PACSIN1: variants seen among roughly 807,000 people sequenced by gnomAD.
PACSIN1 encodes the protein protein kinase C and casein kinase substrate in neurons 1, also known as protein kinase C and casein kinase substrate in neurons protein 1.
In PACSIN1, 15 loss-of-function variants were observed where a neutral mutation model predicts 59.5. That is an observed-to-expected ratio of 0.25 (90% CI 0.17 to 0.39). The LOEUF (loss-of-function observed/expected upper bound fraction) is 0.39, where lower values mean the gene tolerates loss of function less well. PACSIN1 is among the 10% of genes least tolerant of loss of function. PACSIN1 has a pLI of 1.00. For missense variants in PACSIN1, 420 were observed against 580.2 expected (o/e 0.72, Z 2.84); for synonymous variants, 210 against 220.6 (o/e 0.95, Z 0.42).
At chr6:34,522,722 G>A (rs1168721764) in intron 1 of PACSIN1, among the ~76,000 whole-genome samples, 1 of 152,230 alleles carries the variant, frequency 6.6e-6, no homozygotes, top group Non-Finnish European at 1.5e-5. Flanking sequence ...AAAGGCCTGA[G>A]AACCAGGGGG....
In PACSIN1 at chr6:34,532,785, A is replaced by G. The variant is rs1767625175; in HGVS notation, c.*255A>G. 7.1e-6 allele frequency: 3 copies of G among 424,346 alleles called. No homozygotes were observed. The highest frequency in any genetic ancestry group is 1.3e-5 in the Non-Finnish European group (3 of 236,522). 26.3% of individuals were successfully genotyped at this position (424,346 alleles called of 1,614,324 possible). ...TTAGGACTTAGCCCAACATCACAACATCTGCTCTTCGGGTTCCACCAAAGA... is the reference window on the plus strand; with the variant it reads ...TTAGGACTTAGCCCAACATCACAACGTCTGCTCTTCGGGTTCCACCAAAGA... On this transcript the variant is annotated 3_prime_UTR_variant, in exon 10 of 10. Transcript: ENST00000244458. This position sits in a 1 kb window ranked among gnomAD's most constrained non-coding sequence, Gnocchi z 5.2.
intron 1 of PACSIN1, among the ~76,000 whole-genome samples, chr6:34,512,285 T>C (rs1221000199): frequency 6.8e-6 from 1 of 146,036 alleles, no homozygotes; most frequent in African/African-American, 2.5e-5. Flanking sequence ...CTGTCTGGAA[T>C]CCATTGAGTG....
At chr6:34,472,789 TAGA>T (rs1338048687) in intron 1 of PACSIN1, among the ~76,000 whole-genome samples, 2 of 152,028 alleles carry the variant, frequency 1.3e-5, no homozygotes, top group Admixed American at 6.6e-5. Context: ...AGGAGGGCTG[TAGA>T]AGGAGTATGG....
chr6:34,530,615 G>A lies in PACSIN1; in HGVS notation c.1037+28G>A. On this transcript the variant is annotated intron_variant, in intron 8 of 9. Coordinates refer to ENST00000244458, the MANE Select transcript of PACSIN1 (RefSeq NM_020804.5). The surrounding 1 kb of genome is among the most constrained non-coding windows in gnomAD (Gnocchi z 4.4). ...GAGTGCCTCCTGTGGAGCTTCCTGG[G>A]GCCAAGAGGGACCCACACTCTGGGG... The A allele has an allele frequency of 6.6e-7, 1 of 1,522,108 alleles. No individual in the cohort carries two copies. Among genetic ancestry groups the A allele is most frequent in the Non-Finnish European group, 8.8e-7 (1 of 1,135,548 alleles). The allele number at this position is 1,522,108 out of a possible 1,614,324, so 94.3% of individuals were successfully genotyped here.
intron 1 of PACSIN1, among the ~76,000 whole-genome samples, chr6:34,489,615 T>C (rs1766845443): frequency 6.6e-6 from 1 of 152,162 alleles, no homozygotes; most frequent in Non-Finnish European, 1.5e-5. Context: ...GTGTGTCTAT[T>C]CCAGTTATAC....
In PACSIN1 at chr6:34,532,001, T is replaced by C. The variant is rs938298672; in HGVS notation, c.1225+214T>C. Among the ~76,000 whole-genome samples, 18 of 151,634 alleles carry C rather than the reference T, an allele frequency of 1.2e-4. No individual in the cohort carries two copies. The highest frequency in any genetic ancestry group is 2.4e-4 in the Non-Finnish European group (16 of 67,954). ...GAGAGGCTTGGGCCTGCATTGGGTG[T>C]GTGGTGGGGTAGAGGCAGGATCTGA... On this transcript the variant is annotated intron_variant, in intron 9 of 9. Coordinates refer to ENST00000244458, the MANE Select transcript of PACSIN1 (RefSeq NM_020804.5). This position sits in a 1 kb window ranked among gnomAD's most constrained non-coding sequence, Gnocchi z 5.2.
chr6:34,470,786 C>T (rs902703174), intron 1 of PACSIN1, among the ~76,000 whole-genome samples: 1 of 152,060 alleles, frequency 6.6e-6, no homozygotes, highest in African/African-American at 2.4e-5. Context: ...GCAGCATACT[C>T]AGGTAATTTT....
intron 4 of PACSIN1, 89 bp downstream of exon 4, chr6:34,528,966 G>A: frequency 9.7e-7 from 1 of 1,033,606 alleles, no homozygotes; most frequent in Non-Finnish European, 1.4e-6. Context: ...ATGGATGGGT[G>A]GGCTGGGCAC....
chr6:34,494,840 G>A (rs770759316), intron 1 of PACSIN1, among the ~76,000 whole-genome samples: 1 of 152,208 alleles, frequency 6.6e-6, no homozygotes, highest in East Asian at 1.9e-4. Context: ...GCTATCGGCT[G>A]TATAGGCAGG....
At position 34,525,974 on chromosome 6, in the gene PACSIN1, G is replaced by A. The variant is rs1300035018; in HGVS notation, c.-63-269G>A. 6.6e-6 allele frequency among the ~76,000 whole-genome samples: 1 copy of A among 152,100 alleles called. No homozygotes were observed. The highest frequency in any genetic ancestry group is 2.4e-5 in the African/African-American group (1 of 41,402). On this transcript the variant is annotated intron_variant, in intron 1 of 9. Coordinates refer to ENST00000244458, the MANE Select transcript of PACSIN1 (RefSeq NM_020804.5). This position sits in a 1 kb window ranked among gnomAD's most constrained non-coding sequence, Gnocchi z 4.9. The stretch of plus-strand genomic sequence containing the variant: ...GGAGAGAGAGCCAGCTCTGGGGGCT[G>A]GGGCTGGCTTCTGAACGGAGGTGCT...
intron 1 of PACSIN1, among the ~76,000 whole-genome samples, chr6:34,485,733 TGGCCCTGTGAG>T (rs1766784163): frequency 6.6e-6 from 1 of 152,172 alleles, no homozygotes; most frequent in Non-Finnish European, 1.5e-5. Flanking sequence ...ACCTGAGCCC[TGGCCCTGTGAG>T]GGCCCACCCA....
In PACSIN1 at chr6:34,516,100, C is replaced by A. The variant is rs966440096; in HGVS notation, c.-63-10143C>A. ...GTTGATGTGTGCAACTATGGGCGTG[C>A]TTAAGGTCCTGCCCTTCTCCACCTG... is the stretch of plus-strand genomic sequence containing the variant. On this transcript the variant is annotated intron_variant, in intron 1 of 9. Transcript: ENST00000244458. The surrounding 1 kb of genome is among the most constrained non-coding windows in gnomAD (Gnocchi z 5.4). Among the ~76,000 whole-genome samples the A allele has an allele frequency of 2.4e-4, 37 of 152,134 alleles. No homozygotes were observed. The highest frequency in any genetic ancestry group is 7.2e-4 in the African/African-American group (30 of 41,418).
rs1283437147 is a variant in PACSIN1 at position 34,516,628 on chromosome 6, G to A, written c.-63-9615G>A. Among the ~76,000 whole-genome samples the A allele has an allele frequency of 3.3e-5, 5 of 152,204 alleles. No homozygotes were observed. In the East Asian group the frequency reaches 9.7e-4, roughly 29 times the overall value. On this transcript the variant is annotated intron_variant, in intron 1 of 9. Coordinates refer to ENST00000244458, the MANE Select transcript of PACSIN1 (RefSeq NM_020804.5). The surrounding 1 kb of genome is among the most constrained non-coding windows in gnomAD (Gnocchi z 5.4). ...TTCTTTGGGTGAGAGCTGAAGGAAC[G>A]TCTGTCCACTCAGCAGGCCCTCCAG...
chr6:34,470,665 C>A (rs2113831335), intron 1 of PACSIN1, among the ~76,000 whole-genome samples: 1 of 152,152 alleles, frequency 6.6e-6, no homozygotes, highest in East Asian at 1.9e-4. Flanking sequence ...CCATGCCTGG[C>A]TAATTTTTCA....
intron 1 of PACSIN1, among the ~76,000 whole-genome samples, chr6:34,478,778 A>G (rs1186039043): frequency 6.6e-6 from 1 of 152,220 alleles, no homozygotes; most frequent in Non-Finnish European, 1.5e-5. Context: ...AATAGGTTGT[A>G]CATTTGTCTT....
At chr6:34,494,413 A>T (rs1766919369) in intron 1 of PACSIN1, among the ~76,000 whole-genome samples, 1 of 152,178 alleles carries the variant, frequency 6.6e-6, no homozygotes, top group Non-Finnish European at 1.5e-5. Context: ...CTGATTCAGT[A>T]GGTCTGGTGG....
At chr6:34,522,918 C>G (rs776042783) in intron 1 of PACSIN1, among the ~76,000 whole-genome samples, 40 of 152,318 alleles carry the variant, frequency 2.6e-4, no homozygotes, top group Non-Finnish European at 5.4e-4. Context: ...TCTGGGCCCT[C>G]AGCCGATTGG....
chr6:34,477,412 A>G (rs889413776), intron 1 of PACSIN1, among the ~76,000 whole-genome samples: 7 of 151,094 alleles, frequency 4.6e-5, no homozygotes, highest in African/African-American at 1.7e-4. Context: ...GAAGAAAGAA[A>G]GAAAGAAAAT....
In PACSIN1 at chr6:34,515,454, G is replaced by A. The variant is rs941010576; in HGVS notation, c.-63-10789G>A. Among the ~76,000 whole-genome samples the A allele has an allele frequency of 1.1e-4, 17 of 152,130 alleles. No homozygotes were observed. The highest frequency in any genetic ancestry group is 3.4e-4 in the African/African-American group (14 of 41,428). ...GCAGAGGGCAGGGAGGAGTAAGGATGCCCCTGCCCCACTCAAGGCACTGCT... is the reference window on the plus strand; with the variant it reads ...GCAGAGGGCAGGGAGGAGTAAGGATACCCCTGCCCCACTCAAGGCACTGCT... On this transcript the variant is annotated intron_variant, in intron 1 of 9. Transcript: ENST00000244458. This position sits in a 1 kb window ranked among gnomAD's most constrained non-coding sequence, Gnocchi z 4.4.
Sources: allele counts gnomAD v4.1 joint callset (sites outside exome capture counted in the v4.1 genomes callset), GRCh38; gene constraint gnomAD v4.1.1; non-coding constraint Gnocchi (gnomAD v3.1); transcripts MANE v1.5; gene names NCBI Gene and HGNC (gene_info 2026-07-23, HGNC 2026-07-21).